ATG10: variants seen among roughly 807,000 people sequenced by gnomAD.
ATG10 encodes autophagy related 10.
A neutral mutation model predicts 32.1 loss-of-function variants in ATG10; 30 were observed. That is an observed-to-expected ratio of 0.94 (90% CI 0.70 to 1.27). The LOEUF (loss-of-function observed/expected upper bound fraction) is 1.27, where lower values mean the gene tolerates loss of function less well. Among genes scored for constraint, ATG10 ranks in the 50% most tolerant of loss-of-function variants. ATG10 has a pLI of 0.00. For synonymous variants in ATG10, 87 were observed against 91.5 expected (o/e 0.95, Z 0.28); for missense variants, 233 against 262.3 (o/e 0.89, Z 0.77).
chr5:82,058,682 G>A (rs1037313280), intron 3 of ATG10, 80 bp downstream of exon 3: 24 of 884,302 alleles, frequency 2.7e-5, no homozygotes, highest in Admixed American at 1.6e-4. Context: ...TGACTCCATC[G>A]CATTCCATCC....
intron 5 of ATG10, among the ~76,000 whole-genome samples, chr5:82,188,588 C>A (rs1407720667): frequency 6.6e-6 from 1 of 152,080 alleles, no homozygotes; most frequent in East Asian, 1.9e-4. Context: ...TATTTATATT[C>A]TTATTTCCAG....
At chr5:82,151,473 A>G (rs1398031275) in intron 3 of ATG10, among the ~76,000 whole-genome samples, 1 of 152,222 alleles carries the variant, frequency 6.6e-6, no homozygotes, top group Non-Finnish European at 1.5e-5. Context: ...GGAAGGAGCT[A>G]TCAGTGATGT....
intron 2 of ATG10, among the ~76,000 whole-genome samples, chr5:82,021,393 T>C (rs1263062440): frequency 6.6e-6 from 1 of 152,170 alleles, no homozygotes; most frequent in Admixed American, 6.5e-5. Context: ...CTGCAGATAC[T>C]AAAGTCCCTG....
chr5:81,991,002 C>T (rs529052262), intron 2 of ATG10, among the ~76,000 whole-genome samples: 1 of 152,364 alleles, frequency 6.6e-6, no homozygotes, highest in East Asian at 1.9e-4. Flanking sequence ...CATTTTATGA[C>T]CTCTGGGATT....
chr5:82,201,192 A>G (rs1214449590), intron 5 of ATG10, among the ~76,000 whole-genome samples: 1 of 152,080 alleles, frequency 6.6e-6, no homozygotes, highest in African/African-American at 2.4e-5. Context: ...GCCTAAAAAT[A>G]TATTTTTTAA....
intron 5 of ATG10, among the ~76,000 whole-genome samples, chr5:82,190,336 C>G (rs1203991937): frequency 6.6e-6 from 1 of 151,694 alleles, no homozygotes; most frequent in Non-Finnish European, 1.5e-5. Context: ...ATAGCTTTAT[C>G]TATAATGTAT....
chr5:82,151,918 C>T (rs1435839508), intron 3 of ATG10, among the ~76,000 whole-genome samples: 3 of 152,146 alleles, frequency 2.0e-5, no homozygotes, highest in African/African-American at 7.2e-5. Flanking sequence ...TATACTTCCT[C>T]TTTATGGATC....
chr5:81,998,229 A>G (rs549300200), intron 2 of ATG10, among the ~76,000 whole-genome samples: 3 of 152,348 alleles, frequency 2.0e-5, no homozygotes, highest in South Asian at 2.1e-4. Context: ...TTGAGGGCCT[A>G]TATTCAGCAT....
In ATG10 at chr5:82,184,865, T is replaced by C. The variant is rs148932538; in HGVS notation, c.453+6278T>C. Among the ~76,000 whole-genome samples the C allele has an allele frequency of 1.5e-3, 221 of 152,300 alleles. 2 individuals carry two copies. Among genetic ancestry groups the C allele is most frequent in the African/African-American group, 4.9e-3 (205 of 41,558 alleles). ...GTCAGCCCTACTACACCTCACTCTTTTCTGCTACCGCAACAGGGCTGCAGA... is the reference window on the plus strand; with the variant it reads ...GTCAGCCCTACTACACCTCACTCTTCTCTGCTACCGCAACAGGGCTGCAGA... On this transcript the variant is annotated intron_variant, in intron 5 of 7. Coordinates refer to ENST00000282185, the MANE Select transcript of ATG10 (RefSeq NM_031482.5).
At chr5:82,067,688 T>G (rs915708182) in intron 3 of ATG10, among the ~76,000 whole-genome samples, 8 of 152,194 alleles carry the variant, frequency 5.3e-5, no homozygotes, top group Non-Finnish European at 1.0e-4. Flanking sequence ...TGTGCTATAT[T>G]CTCCTTGGCA....
At chr5:82,144,572 G>A (rs1038684513) in intron 3 of ATG10, among the ~76,000 whole-genome samples, 1 of 151,194 alleles carries the variant, frequency 6.6e-6, no homozygotes, top group Non-Finnish European at 1.5e-5. Flanking sequence ...TGACCCATGG[G>A]TTATTTAGAA....
At chr5:82,057,057 G>T (rs1456438714) in intron 2 of ATG10, among the ~76,000 whole-genome samples, 1 of 152,070 alleles carries the variant, frequency 6.6e-6, no homozygotes, top group Non-Finnish European at 1.5e-5. Flanking sequence ...TTGGATATCT[G>T]ATGGCCTACT....
chr5:82,017,356 A>G (rs1256292987), intron 2 of ATG10, among the ~76,000 whole-genome samples: 1 of 152,110 alleles, frequency 6.6e-6, no homozygotes, highest in Non-Finnish European at 1.5e-5. Flanking sequence ...GCAAACAGTG[A>G]CAGTTTGATG....
chr5:82,230,340 C>T (rs916209390), intron 5 of ATG10, among the ~76,000 whole-genome samples: 10 of 152,018 alleles, frequency 6.6e-5, no homozygotes, highest in African/African-American at 1.9e-4. Context: ...TCAACAAATA[C>T]GAAATACAAA....
At chr5:82,120,440 G>A (rs1370640714) in intron 3 of ATG10, among the ~76,000 whole-genome samples, 1 of 152,114 alleles carries the variant, frequency 6.6e-6, no homozygotes, top group Non-Finnish European at 1.5e-5. Flanking sequence ...GTCACAAATA[G>A]ATGGATTTGA....
At chr5:82,154,840 T>C (rs1037630656) in intron 3 of ATG10, among the ~76,000 whole-genome samples, 1 of 152,188 alleles carries the variant, frequency 6.6e-6, no homozygotes, top group African/African-American at 2.4e-5. Context: ...AAGAAACAAA[T>C]AAATCCTTAT....
Position 82,168,105 on chromosome 5 carries a change from A to G in ATG10, c.355+3568A>G, listed in dbSNP as rs532213770. Among the ~76,000 whole-genome samples the G allele has an allele frequency of 7.9e-5, 12 of 151,906 alleles. No homozygotes were observed. The East Asian group carries it at 1.3e-3, about 17-fold the overall frequency. The stretch of plus-strand genomic sequence containing the variant: ...CTTTTTTTCCCACTGTTTTTGAAGC[A>G]TACCATATTAAAGAATTTTTTGTAT... On this transcript the variant is annotated intron_variant, in intron 4 of 7. Coordinates refer to ENST00000282185, the MANE Select transcript of ATG10 (RefSeq NM_031482.5).
At chr5:82,202,697 G>A (rs1258233245) in intron 5 of ATG10, among the ~76,000 whole-genome samples, 1 of 152,134 alleles carries the variant, frequency 6.6e-6, no homozygotes, top group African/African-American at 2.4e-5. Flanking sequence ...GTTCCATGTA[G>A]TTCCGTGTGA....
intron 5 of ATG10, among the ~76,000 whole-genome samples, chr5:82,237,406 G>T (rs1408647325): frequency 6.6e-6 from 1 of 152,074 alleles, no homozygotes; most frequent in Non-Finnish European, 1.5e-5. Flanking sequence ...CACTTTGGGA[G>T]GCCAAGGCAG....
Sources: gnomAD v4.1 joint callset for allele counts (sites outside exome capture counted in the v4.1 genomes callset) on GRCh38, gnomAD v4.1.1 for gene constraint, MANE v1.5 for transcripts, NCBI Gene and HGNC (gene_info 2026-07-23, HGNC 2026-07-21) for gene names.